The following COL17A1 variants were observed in gnomAD, a reference collection of about 807,000 sequenced individuals.
The protein encoded by COL17A1 is collagen type XVII alpha 1 chain.
Under a neutral mutation model 218.4 loss-of-function variants are expected in COL17A1, and 181 were observed. That is an observed-to-expected ratio of 0.83 (90% CI 0.73 to 0.94). The LOEUF (loss-of-function observed/expected upper bound fraction) is 0.94. Ranked by LOEUF, COL17A1 falls within the 40% of genes least tolerant of loss-of-function variation. The probability of loss-of-function intolerance (pLI) is 0.00; values close to 1 mark genes in which losing one functional copy is unlikely to be tolerated. For synonymous variants in COL17A1, 721 were observed against 731.0 expected, an observed-to-expected ratio of 0.99 and a Z score of 0.22; for missense variants, 1,924 against 1,945.9, an observed-to-expected ratio of 0.99 and a Z score of 0.21.
chr10:104,037,175 T>G, intron 46 of COL17A1, 62 bp from the exon 47 acceptor site: 1 of 1,475,588 alleles, frequency 6.8e-7, no homozygotes, highest in Admixed American at 1.9e-5. Context: ...CCCTCACTAT[T>G]CCAGAATCTG....
At chr10:104,057,436 G>A in intron 16 of COL17A1, among the ~76,000 whole-genome samples, 1 of 10,596 alleles carries the variant, frequency 9.4e-5, no homozygotes, top group Non-Finnish European at 5.4e-3. Context: ...TATAACATGG[G>A]GTTAAAAGAT....
At chr10:104,056,352 G>C (rs899055065) in intron 17 of COL17A1, among the ~76,000 whole-genome samples, 30 of 152,136 alleles carry the variant, frequency 2.0e-4, no homozygotes, top group African/African-American at 6.5e-4. Context: ...GGAGGCCAAG[G>C]GGGGCAGATC....
intron 52 of COL17A1, 26 bp from the exon 53 acceptor site, chr10:104,033,401 A>G: frequency 6.2e-7 from 1 of 1,607,844 alleles, no homozygotes; most frequent in South Asian, 1.1e-5. Context: ...GCTTGGGCAC[A>G]GGAAGCAGGG....
At chr10:104,040,074 G>A in intron 40 of COL17A1, 75 bp from the exon 41 acceptor site, 2 of 1,524,446 alleles carry the variant, frequency 1.3e-6, no homozygotes, top group South Asian at 2.2e-5. Flanking sequence ...CATGGAGGAG[G>A]GGATAGGGGC....
At chr10:104,046,887 A>G (rs2134597120) in intron 31 of COL17A1, 114 bp from the exon 32 acceptor site, 1 of 944,244 alleles carries the variant, frequency 1.1e-6, no homozygotes, top group East Asian at 2.6e-5. Flanking sequence ...CAGTGGGTAC[A>G]GAAGGACACG....
chr10:104,053,286 T>C (rs2086488873), intron 22 of COL17A1, 151 bp from the exon 23 acceptor site: 4 of 845,542 alleles, frequency 4.7e-6, no homozygotes, highest in Non-Finnish European at 7.7e-6. Flanking sequence ...TGGCTCAACC[T>C]GGAAGCCAGA....
At chr10:104,040,521 G>T in intron 39 of COL17A1, 111 bp from the exon 40 acceptor site, 1 of 562,046 alleles carries the variant, frequency 1.8e-6, no homozygotes, top group Non-Finnish European at 3.4e-6. Context: ...CAAATAGTTG[G>T]ATGGGTGGAT....
At chr10:104,051,798 G>T (rs2086472355) in intron 24 of COL17A1, among the ~76,000 whole-genome samples, 1 of 152,196 alleles carries the variant, frequency 6.6e-6, no homozygotes, top group African/African-American at 2.4e-5. Flanking sequence ...TCCCTGGGTT[G>T]CCCAGACATG....
rs552729216 is a variant in COL17A1 at position 104,057,278 on chromosome 10, G to A, written c.1268-106C>T. 153 of 1,573,814 alleles carry A rather than the reference G, an allele frequency of 9.7e-5. No homozygotes were observed. The African/African-American group carries it at 1.9e-3, about 20-fold the overall frequency. ...TTCTGGCCTGAGTGACTACGACTGG[G>A]GGCTTTCAAGTTCCTGTGCTGTTCC... On this transcript the variant is annotated intron_variant, in intron 16 of 55. Coordinates refer to ENST00000648076, the MANE Select transcript of COL17A1 (RefSeq NM_000494.4).
chr10:104,062,332 G>T lies in COL17A1; in HGVS notation c.839-3C>A. On this transcript the variant is annotated splice_region_variant and splice_polypyrimidine_tract_variant and intron_variant, in intron 11 of 55. Transcript: ENST00000648076. ...CAGATTGTTCTGCATGCCAAACACT[G>T]TGAAAGCAACCAAGGTCAGGTGAGT... is the stretch of plus-strand genomic sequence containing the variant. The T allele has an allele frequency of 6.2e-7, 1 of 1,614,198 alleles. No homozygotes were observed. Among genetic ancestry groups the T allele is most frequent in the Non-Finnish European group, 8.5e-7 (1 of 1,180,044 alleles).
In COL17A1 at chr10:104,035,889, T is replaced by C. The variant is rs545488253; in HGVS notation, c.3419-326A>G. Among the ~76,000 whole-genome samples the C allele has an allele frequency of 2.1e-3, 312 of 145,726 alleles. 2 individuals are homozygous for C. The highest frequency in any genetic ancestry group is 7.7e-3 in the African/African-American group (298 of 38,546). On this transcript the variant is annotated intron_variant, in intron 48 of 55. Coordinates refer to ENST00000648076, the MANE Select transcript of COL17A1 (RefSeq NM_000494.4). ...ATGGGAGTGTGCGTGAGTACTGGAG[T>C]GTATGGGAGCGTGTGTATGGGAGTG...
At chr10:104,033,815 C>T (rs1351696166) in intron 52 of COL17A1, 130 bp downstream of exon 52, 3 of 1,395,238 alleles carry the variant, frequency 2.2e-6, no homozygotes, top group Non-Finnish European at 3.0e-6. Context: ...CTGGGGCTGC[C>T]TGTCCCCTCC....
chr10:104,035,888 G>GTGTA (rs1491127445), intron 48 of COL17A1, among the ~76,000 whole-genome samples: 2 of 14,718 alleles, frequency 1.4e-4, no homozygotes, highest in African/African-American at 2.0e-4. Flanking sequence ...GAGTACTGGA[G>GTGTA]TGTATGGGAG....
chr10:104,041,908 G>A (rs529931630), intron 36 of COL17A1, among the ~76,000 whole-genome samples: 178 of 152,114 alleles, frequency 1.2e-3, no homozygotes, highest in Non-Finnish European at 1.4e-3. Flanking sequence ...GTAAACCAAG[G>A]TCAAAAAGAT....
At chr10:104,038,806 C>T (rs961454449) in intron 44 of COL17A1, among the ~76,000 whole-genome samples, 6 of 152,184 alleles carry the variant, frequency 3.9e-5, no homozygotes, top group Non-Finnish European at 5.9e-5. Context: ...CTTCTCTCAA[C>T]TCCCCAGCAC....
rs753898533 is a variant in COL17A1, at chr10:104,055,867, GT to G, written c.1601del (p.Asp534AlafsTer19). ...LQGMAPAAGA[D>X]LDKIGLHSDS... Reference sequence around the variant, plus strand: ...CACTGTGCAGCCCAATTTTGTCCAGGTCTGCTCCCGCCGCGGGTGCCATGCC... The same window carrying G: ...CACTGTGCAGCCCAATTTTGTCCAGGCTGCTCCCGCCGCGGGTGCCATGCC... On this transcript the variant is annotated frameshift_variant, in exon 18 of 56. Coordinates refer to ENST00000648076, the MANE Select transcript of COL17A1 (RefSeq NM_000494.4). LOFTEE classifies it high-confidence loss of function. 6.2e-7 allele frequency: 1 copy of G among 1,614,180 alleles called. No individual in the cohort carries two copies. Among genetic ancestry groups the G allele is most frequent in the Non-Finnish European group, 8.5e-7 (1 of 1,180,038 alleles).
At chr10:104,083,120 T>C (rs1165102844) in intron 1 of COL17A1, among the ~76,000 whole-genome samples, 1 of 152,232 alleles carries the variant, frequency 6.6e-6, no homozygotes, top group Non-Finnish European at 1.5e-5. Flanking sequence ...AAGTGAGTTA[T>C]ATTAAATGGA....
Position 104,045,829 on chromosome 10 carries a change from G to A in COL17A1, c.2363-36C>T, listed in dbSNP as rs200775895. The A allele has an allele frequency of 1.0e-3, 1,663 of 1,587,184 alleles. 18 individuals are homozygous for A. Among genetic ancestry groups the A allele is most frequent in the South Asian group, 7.3e-3 (658 of 90,502 alleles). Reference sequence around the variant, plus strand: ...TAGAACAAGTAGTCAGGACGATGAAGGCCCAGCAATTCCAGATACCCTTGG... The same window carrying A: ...TAGAACAAGTAGTCAGGACGATGAAAGCCCAGCAATTCCAGATACCCTTGG... On this transcript the variant is annotated intron_variant, in intron 32 of 55. Transcript: ENST00000648076.
At position 104,034,172 on chromosome 10, in the gene COL17A1, G is replaced by T; in HGVS notation, c.3929C>A (p.Ser1310Tyr). The T allele has an allele frequency of 1.2e-6, 2 of 1,613,654 alleles. No individual in the cohort carries two copies. Among genetic ancestry groups the T allele is most frequent in the South Asian group, 1.1e-5 (1 of 91,046 alleles). ...TGCACCACCTCCTCCTGTGCTCATG[G>T]AAGAGCTGTAGGAGCTGCCCCGCCT... ...SVRRGSSYSSSMSTGGGGAGS... is the reference protein window; with the variant it reads ...SVRRGSSYSSYMSTGGGGAGS... Residue 1310 changes from serine to tyrosine, a missense_variant, in exon 52 of 56, where the codon TCC becomes TAC. Physicochemically the swap from Ser to Tyr is moderately radical, Grantham distance 144. Transcript: ENST00000648076.
Sources: gnomAD v4.1 joint callset for allele counts (sites outside exome capture counted in the v4.1 genomes callset) on GRCh38, gnomAD v4.1.1 for gene constraint, MANE v1.5 for transcripts, NCBI Gene and HGNC (gene_info 2026-07-23, HGNC 2026-07-21) for gene names.